Variants in NOL10 observed in about 807,000 individuals in gnomAD.
NOL10 encodes H_NH0074G24.1.
In NOL10, 58 loss-of-function variants were observed where a neutral mutation model predicts 103.5. The ratio of observed to expected loss-of-function variants is 0.56; its 90% CI spans 0.45 to 0.70. NOL10 has a LOEUF of 0.70. NOL10 is among the 30% of genes least tolerant of loss of function. The pLI is 0.00. For missense variants in NOL10, 763 were observed against 807.3 expected (o/e 0.95, Z 0.67); for synonymous variants, 287 against 282.5 (o/e 1.02, Z -0.16).
At chr2:10,624,178 C>CTT (rs764280554) in intron 13 of NOL10, among the ~76,000 whole-genome samples, 11 of 140,118 alleles carry the variant, frequency 7.9e-5, no homozygotes, top group Admixed American at 1.4e-4. Context: ...TTTTTCTTTT[C>CTT]TTTTTTTTTT....
chr2:10,671,717 T>G, intron 5 of NOL10, 27 bp from the exon 6 acceptor site: 1 of 1,517,960 alleles, frequency 6.6e-7, no homozygotes, highest in Non-Finnish European at 8.9e-7. Flanking sequence ...AAAATTAGTT[T>G]GCTTAGGTTT....
chr2:10,642,650 G>A (rs149707725), intron 13 of NOL10, among the ~76,000 whole-genome samples: 4 of 152,086 alleles, frequency 2.6e-5, no homozygotes, highest in Non-Finnish European at 5.9e-5. Context: ...CCGATCTACT[G>A]TCCAACCTGG....
intron 20 of NOL10, among the ~76,000 whole-genome samples, chr2:10,577,271 G>A (rs1674501856): frequency 6.6e-6 from 1 of 152,206 alleles, no homozygotes; most frequent in South Asian, 2.1e-4. Flanking sequence ...CAGAGGGTCA[G>A]GATGTAGTAG....
chr2:10,657,613 G>T (rs771853161), intron 11 of NOL10, 129 bp downstream of exon 11: 1 of 690,856 alleles, frequency 1.4e-6, no homozygotes, highest in Non-Finnish European at 2.3e-6. Context: ...CTGACCTCCC[G>T]CTAAGTTCCC....
At chr2:10,597,690 GA>G (rs1188493678) in intron 17 of NOL10, among the ~76,000 whole-genome samples, 3 of 152,180 alleles carry the variant, frequency 2.0e-5, no homozygotes, top group Non-Finnish European at 4.4e-5. Context: ...TTTGGGCTAG[GA>G]AGTCACCAAC....
chr2:10,602,895 T>G (rs375910758), intron 15 of NOL10, 21 bp from the exon 16 acceptor site: 30 of 1,538,374 alleles, frequency 2.0e-5, no homozygotes, highest in Non-Finnish European at 2.6e-5. Context: ...TGAAAAAAGT[T>G]TTTAAAATAA....
At chr2:10,611,742 C>T (rs763664556) in intron 13 of NOL10, among the ~76,000 whole-genome samples, 3 of 152,152 alleles carry the variant, frequency 2.0e-5, no homozygotes, top group African/African-American at 7.2e-5. Context: ...ACAGTGGAAC[C>T]CCATCTCTAC....
At chr2:10,689,687 G>T in intron 1 of NOL10, 109 bp downstream of exon 1, 1 of 1,127,198 alleles carries the variant, frequency 8.9e-7, no homozygotes, top group Non-Finnish European at 1.3e-6. Context: ...GTCGGGGGGT[G>T]ACCAGCGTCC....
intron 12 of NOL10, 54 bp downstream of exon 12, chr2:10,654,427 T>C (rs1048389428): frequency 4.1e-6 from 5 of 1,231,068 alleles, no homozygotes; most frequent in Non-Finnish European, 5.8e-6. Context: ...GAACGTTCAC[T>C]ACAGAATGCA....
At chr2:10,686,663 A>G (rs1682232117) in intron 1 of NOL10, among the ~76,000 whole-genome samples, 1 of 152,226 alleles carries the variant, frequency 6.6e-6, no homozygotes, top group Non-Finnish European at 1.5e-5. Context: ...TGAATCAGTG[A>G]CAGTAATGGA....
chr2:10,613,012 A>AG (rs1467100760), intron 13 of NOL10, among the ~76,000 whole-genome samples: 1 of 151,480 alleles, frequency 6.6e-6, no homozygotes, highest in African/African-American at 2.4e-5. Flanking sequence ...AAAAAAAAAA[A>AG]AGAGAGAAAG....
intron 1 of NOL10, among the ~76,000 whole-genome samples, chr2:10,685,023 A>C (rs1046832484): frequency 1.3e-5 from 2 of 152,196 alleles, no homozygotes; most frequent in East Asian, 1.9e-4. Context: ...TTTGAACTAC[A>C]ATCTTTTACA....
At chr2:10,648,058 C>A (rs1202284982) in intron 12 of NOL10, among the ~76,000 whole-genome samples, 2 of 152,166 alleles carry the variant, frequency 1.3e-5, no homozygotes, top group African/African-American at 4.8e-5. Flanking sequence ...AGTCATAGAG[C>A]CGTGCTGTCT....
intron 8 of NOL10, among the ~76,000 whole-genome samples, chr2:10,666,353 AT>A (rs900943772): frequency 1.2e-4 from 18 of 148,456 alleles, no homozygotes; most frequent in African/African-American, 2.9e-4. Flanking sequence ...GTAAACTATC[AT>A]TTTTTTTTTT....
intron 11 of NOL10, among the ~76,000 whole-genome samples, chr2:10,655,093 C>A (rs1324832082): frequency 6.6e-6 from 1 of 151,732 alleles, no homozygotes; most frequent in East Asian, 1.9e-4. Context: ...AACTGTAATC[C>A]CAGCTACTAG....
Position 10,602,452 on chromosome 2 carries a change from C to A in NOL10, c.1332+324G>T, listed in dbSNP as rs138815371. On this transcript the variant is annotated intron_variant, in intron 16 of 20. Coordinates refer to ENST00000381685, the MANE Select transcript of NOL10 (RefSeq NM_024894.4). ...AAGGTCAGTAAGGAATAGGGATTAG[C>A]AAAGCCCGGATACTCCAAAAATGGA... Among the ~76,000 whole-genome samples the A allele has an allele frequency of 3.4e-3, 522 of 152,312 alleles. 5 individuals are homozygous for A. The highest frequency in any genetic ancestry group is 4.4e-3 in the Non-Finnish European group (296 of 68,030).
rs1677460675 is a variant in NOL10, at chr2:10,626,320, C to T, written c.1026+18000G>A. ...AGGACACAGCAAAAAGCACAACATA[C>T]AAAGTTCCCGCCTTGTGGAGCTTAC... is the stretch of plus-strand genomic sequence containing the variant. On this transcript the variant is annotated intron_variant, in intron 13 of 20. Coordinates refer to ENST00000381685, the MANE Select transcript of NOL10 (RefSeq NM_024894.4). Among the ~76,000 whole-genome samples, 5 of 152,238 alleles carry T rather than the reference C, an allele frequency of 3.3e-5. No individual in the cohort carries two copies. The South Asian group carries it at 1.0e-3, about 32-fold the overall frequency.
intron 13 of NOL10, among the ~76,000 whole-genome samples, chr2:10,626,021 A>T (rs1055445107): frequency 8.0e-5 from 12 of 150,648 alleles, no homozygotes; most frequent in South Asian, 2.1e-4. Flanking sequence ...GAAAAAAAAA[A>T]TTTTTTTTTA....
chr2:10,578,287 T>C (rs1674559386), intron 19 of NOL10, among the ~76,000 whole-genome samples: 1 of 152,146 alleles, frequency 6.6e-6, no homozygotes, highest in African/African-American at 2.4e-5. Context: ...CAAGCCATCA[T>C]CCCACAGCAT....
Sources: allele counts gnomAD v4.1 joint callset (sites outside exome capture counted in the v4.1 genomes callset), GRCh38; gene constraint gnomAD v4.1.1; transcripts MANE v1.5; gene names NCBI Gene and HGNC (gene_info 2026-07-23, HGNC 2026-07-21).